FUT9: variants seen among roughly 807,000 people sequenced by gnomAD.
The protein encoded by FUT9 is fucosyltransferase 9.
A neutral mutation model predicts 29.7 loss-of-function variants in FUT9; 15 were observed. That is an observed-to-expected ratio of 0.51 (90% confidence interval 0.34 to 0.78). The LOEUF is 0.78. FUT9 is among the 30% of genes least tolerant of loss of function. The pLI, the probability that FUT9 is intolerant of heterozygous loss-of-function variation, is 0.01. For missense variants in FUT9, 319 were observed against 425.4 expected (o/e 0.75, Z 2.20); for synonymous variants, 169 against 153.7 (o/e 1.10, Z -0.74).
chr6:96,205,420 C>T lies in FUT9; in HGVS notation c.*1185C>T, dbSNP rs1251328008. ...TGATTGTTTCAAGGAAGTGACAGTT[C>T]TACTTTAGAAGTACTAATTGGAGAT... On this transcript the variant is annotated 3_prime_UTR_variant, in exon 3 of 3. Coordinates refer to ENST00000302103, the MANE Select transcript of FUT9 (RefSeq NM_006581.4). The T allele has an allele frequency of 6.0e-6, 1 of 166,966 alleles. No individual in the cohort carries two copies. Among genetic ancestry groups the T allele is most frequent in the Non-Finnish European group, 1.5e-5 (1 of 68,098 alleles). The allele number at this position is 166,966 out of a possible 1,614,324, so 10.3% of individuals were successfully genotyped here. A position where few individuals can be genotyped will look rare whatever the true frequency, so the allele number is the denominator to read the frequency against.
intron 2 of FUT9, among the ~76,000 whole-genome samples, chr6:96,156,716 C>T (rs1202823485): frequency 6.6e-6 from 1 of 152,168 alleles, no homozygotes. Context: ...AGGGACCCTT[C>T]CCTTACTGTC....
intron 1 of FUT9, among the ~76,000 whole-genome samples, chr6:96,025,300 G>A (rs1043232391): frequency 6.6e-6 from 1 of 151,644 alleles, no homozygotes; most frequent in Non-Finnish European, 1.5e-5. Context: ...CCATTTAGAG[G>A]AAAATTCTGG....
At chr6:96,176,456 C>T (rs1773207231) in intron 2 of FUT9, among the ~76,000 whole-genome samples, 1 of 151,990 alleles carries the variant, frequency 6.6e-6, no homozygotes, top group South Asian at 2.1e-4. Context: ...GTCATTGTAG[C>T]ACAAAAGCAG....
chr6:96,162,875 T>C (rs1195433648), intron 2 of FUT9, among the ~76,000 whole-genome samples: 1 of 152,202 alleles, frequency 6.6e-6, no homozygotes, highest in Non-Finnish European at 1.5e-5. Context: ...AATCTTATGA[T>C]TAGGTCATTC....
chr6:96,187,934 C>T (rs1406765582), intron 2 of FUT9, among the ~76,000 whole-genome samples: 1 of 152,072 alleles, frequency 6.6e-6, no homozygotes, highest in Non-Finnish European at 1.5e-5. Context: ...ACAACTATCA[C>T]AGAGGCCTTG....
chr6:96,116,272 A>C (rs1205913361), intron 2 of FUT9, among the ~76,000 whole-genome samples: 1 of 152,200 alleles, frequency 6.6e-6, no homozygotes, highest in Admixed American at 6.5e-5. Context: ...AAATCTAACA[A>C]TATCAAATAT....
chr6:96,030,873 T>TA (rs1179926027), intron 1 of FUT9, among the ~76,000 whole-genome samples: 1 of 151,350 alleles, frequency 6.6e-6, no homozygotes, highest in African/African-American at 2.4e-5. Context: ...TATACAACAT[T>TA]AAAAAAATAA....
At chr6:96,041,594 C>T (rs1014664788) in intron 1 of FUT9, among the ~76,000 whole-genome samples, 1 of 152,094 alleles carries the variant, frequency 6.6e-6, no homozygotes, top group African/African-American at 2.4e-5. Context: ...CTTTAACTGG[C>T]CCTGAAATGG....
At chr6:96,047,225 A>G (rs1215689664) in intron 1 of FUT9, among the ~76,000 whole-genome samples, 1 of 152,192 alleles carries the variant, frequency 6.6e-6, no homozygotes, top group East Asian at 1.9e-4. Context: ...GTGTTATCCA[A>G]TTATAGTAGA....
At chr6:96,095,418 A>C (rs1483809125) in intron 1 of FUT9, among the ~76,000 whole-genome samples, 7 of 152,114 alleles carry the variant, frequency 4.6e-5, no homozygotes, top group African/African-American at 1.7e-4. Context: ...AATACATTCA[A>C]CTAGGCTTGC....
chr6:96,206,257 C>G lies in FUT9; in HGVS notation c.*2022C>G, dbSNP rs1773827863. The stretch of plus-strand genomic sequence containing the variant: ...CAACATATTATTCTCTCCGTATTAT[C>G]TCTTCTAACCACAATGCATTAAGAA... On this transcript the variant is annotated 3_prime_UTR_variant, in exon 3 of 3. Coordinates refer to ENST00000302103, the MANE Select transcript of FUT9 (RefSeq NM_006581.4). The G allele has an allele frequency of 6.0e-6, 1 of 167,080 alleles. No individual in the cohort carries two copies. Among genetic ancestry groups the G allele is most frequent in the South Asian group, 2.1e-4 (1 of 4,828 alleles). 10.3% of individuals were successfully genotyped at this position (167,080 alleles called of 1,614,324 possible). A position where few individuals can be genotyped will look rare whatever the true frequency, so the allele number is the denominator to read the frequency against.
At chr6:96,121,992 A>T (rs1280587999) in intron 2 of FUT9, among the ~76,000 whole-genome samples, 1 of 152,054 alleles carries the variant, frequency 6.6e-6, no homozygotes, top group Non-Finnish European at 1.5e-5. Context: ...GAAACTTATC[A>T]GTAAGTCTTC....
chr6:96,163,305 A>G (rs907597183), intron 2 of FUT9, among the ~76,000 whole-genome samples: 10 of 145,160 alleles, frequency 6.9e-5, no homozygotes, highest in African/African-American at 2.5e-4. Context: ...TGAAAACGAG[A>G]GTCTTGCTAT....
intron 1 of FUT9, among the ~76,000 whole-genome samples, chr6:96,098,833 T>C (rs1315403278): frequency 6.6e-6 from 1 of 152,176 alleles, no homozygotes; most frequent in Non-Finnish European, 1.5e-5. Flanking sequence ...TCAAATGTGC[T>C]GTTGAAATCC....
intron 1 of FUT9, among the ~76,000 whole-genome samples, chr6:96,067,489 A>G (rs1770984042): frequency 6.6e-6 from 1 of 152,178 alleles, no homozygotes; most frequent in Non-Finnish European, 1.5e-5. Flanking sequence ...TCATGAAAGC[A>G]TAAAATATTG....
chr6:96,193,239 A>G (rs1481284268), intron 2 of FUT9, among the ~76,000 whole-genome samples: 1 of 138,288 alleles, frequency 7.2e-6, no homozygotes, highest in Non-Finnish European at 1.6e-5. Context: ...TGCACAGCCA[A>G]AGAAACTACC....
intron 2 of FUT9, among the ~76,000 whole-genome samples, chr6:96,177,070 A>G (rs1429262502): frequency 6.6e-6 from 1 of 152,072 alleles, no homozygotes; most frequent in Non-Finnish European, 1.5e-5. Context: ...GTGAGAGGCC[A>G]CTTCTATCTC....
chr6:96,026,534 G>A (rs1020888079), intron 1 of FUT9, among the ~76,000 whole-genome samples: 1 of 151,578 alleles, frequency 6.6e-6, no homozygotes, highest in Non-Finnish European at 1.5e-5. Context: ...TAATTATAAT[G>A]TATTGTAAAT....
chr6:96,137,322 G>A (rs781706967), intron 2 of FUT9, among the ~76,000 whole-genome samples: 19 of 151,968 alleles, frequency 1.3e-4, no homozygotes, highest in Admixed American at 7.9e-4. Context: ...CCAGTGTAGA[G>A]AATGAATATC....
Sources: gnomAD v4.1 joint callset for allele counts (sites outside exome capture counted in the v4.1 genomes callset) on GRCh38, gnomAD v4.1.1 for gene constraint, MANE v1.5 for transcripts, NCBI Gene and HGNC (gene_info 2026-07-23, HGNC 2026-07-21) for gene names.